Variants in HCN1 observed in about 807,000 individuals in gnomAD.
The protein encoded by HCN1 is hyperpolarization activated cyclic nucleotide gated potassium channel 1, also known as potassium/sodium hyperpolarization-activated cyclic nucleotide-gated channel 1.
HCN1 carries 13 observed loss-of-function variants against 78.9 expected under a neutral mutation model. The ratio of observed to expected loss-of-function variants is 0.16; its 90% CI spans 0.11 to 0.26. The LOEUF is 0.26. HCN1 is among the 10% of genes least tolerant of loss of function. The pLI, the probability that HCN1 is intolerant of heterozygous loss-of-function variation, is 1.00. For missense variants in HCN1, 810 were observed against 1,154.3 expected (o/e 0.70, Z 4.32); for synonymous variants, 552 against 455.5 (o/e 1.21, Z -2.70).
chr5:45,455,680 G>A (rs998506118), intron 3 of HCN1, among the ~76,000 whole-genome samples: 2 of 144,412 alleles, frequency 1.4e-5, no homozygotes, highest in African/African-American at 5.2e-5. Flanking sequence ...TGCAAATTTC[G>A]CCCCCTATGT....
At chr5:45,430,651 G>T (rs1740444126) in intron 3 of HCN1, among the ~76,000 whole-genome samples, 2 of 151,964 alleles carry the variant, frequency 1.3e-5, no homozygotes, top group Non-Finnish European at 2.9e-5. Flanking sequence ...GTATCCCATG[G>T]TGTTTATATA....
chr5:45,285,005 T>C (rs1745239997), intron 6 of HCN1, among the ~76,000 whole-genome samples: 1 of 152,054 alleles, frequency 6.6e-6, no homozygotes, highest in East Asian at 1.9e-4. Flanking sequence ...GAAATGCTAC[T>C]TTAAAATCAA....
intron 6 of HCN1, among the ~76,000 whole-genome samples, chr5:45,301,757 C>T (rs1191257834): frequency 6.7e-6 from 1 of 150,286 alleles, no homozygotes; most frequent in Non-Finnish European, 1.5e-5. Flanking sequence ...AAAGCATTTC[C>T]ATTATTTCCC....
chr5:45,363,817 C>T (rs992945977), intron 4 of HCN1, among the ~76,000 whole-genome samples: 1 of 151,990 alleles, frequency 6.6e-6, no homozygotes, highest in Admixed American at 6.6e-5. Context: ...TGCCTTTCTC[C>T]TCCTGCCATG....
intron 5 of HCN1, among the ~76,000 whole-genome samples, chr5:45,323,111 A>G (rs1291016137): frequency 6.6e-6 from 1 of 151,902 alleles, no homozygotes; most frequent in African/African-American, 2.4e-5. Context: ...ACAGGTGGAT[A>G]TACTTCTTCA....
At chr5:45,651,086 T>C (rs1356031126) in intron 1 of HCN1, among the ~76,000 whole-genome samples, 3 of 152,032 alleles carry the variant, frequency 2.0e-5, no homozygotes, top group African/African-American at 7.2e-5. Context: ...TTGAGCAGAA[T>C]TGAATAAAAA....
At chr5:45,414,385 C>T (rs1192253006) in intron 3 of HCN1, among the ~76,000 whole-genome samples, 2 of 152,042 alleles carry the variant, frequency 1.3e-5, no homozygotes, top group African/African-American at 2.4e-5. Context: ...AGAGGCCTCT[C>T]TCTTGACTTC....
At chr5:45,606,975 G>A (rs1207755800) in intron 2 of HCN1, among the ~76,000 whole-genome samples, 1 of 151,814 alleles carries the variant, frequency 6.6e-6, no homozygotes, top group African/African-American at 2.4e-5. Flanking sequence ...CTAAGCATCT[G>A]ATTTGAGATG....
intron 5 of HCN1, among the ~76,000 whole-genome samples, chr5:45,343,746 A>G (rs114647813): frequency 0.012 from 1,864 of 152,288 alleles, 31 homozygotes; most frequent in African/African-American, 0.043. Flanking sequence ...ACTACAGTTT[A>G]TAGAATTGAA....
chr5:45,683,414 T>C (rs1050043141), intron 1 of HCN1, among the ~76,000 whole-genome samples: 3 of 152,270 alleles, frequency 2.0e-5, no homozygotes, highest in African/African-American at 7.2e-5. Flanking sequence ...ATAATTTATC[T>C]GTTGGTTCAA....
chr5:45,406,665 T>A (rs994815020), intron 3 of HCN1, among the ~76,000 whole-genome samples: 5 of 152,126 alleles, frequency 3.3e-5, no homozygotes, highest in Admixed American at 6.6e-5. Flanking sequence ...TGAATAAAAT[T>A]CATGATAATT....
At chr5:45,325,981 T>C (rs1746226277) in intron 5 of HCN1, among the ~76,000 whole-genome samples, 3 of 151,556 alleles carry the variant, frequency 2.0e-5, no homozygotes, top group South Asian at 2.1e-4. Flanking sequence ...TGAAGTTACA[T>C]GTAAAAAAAA....
At chr5:45,654,785 T>C (rs753885357) in intron 1 of HCN1, among the ~76,000 whole-genome samples, 38 of 152,260 alleles carry the variant, frequency 2.5e-4, no homozygotes, top group Middle Eastern at 3.4e-3. Context: ...GAAAAGAAAA[T>C]AGTGATTGAA....
At position 45,267,073 on chromosome 5, in the gene HCN1, T is replaced by G. The variant is rs770876235; in HGVS notation, c.1783+16A>C. 70 of 1,600,252 alleles carry G rather than the reference T, an allele frequency of 4.4e-5. No individual in the cohort carries two copies. The highest frequency in any genetic ancestry group is 5.9e-5 in the Non-Finnish European group (69 of 1,168,968). On this transcript the variant is annotated intron_variant, in intron 7 of 7. Transcript: ENST00000303230. The stretch of plus-strand genomic sequence containing the variant: ...GAGATTAAATTTTATATAAAGAAGG[T>G]AGAAAACTAGAGTACCTATTCGATC...
chr5:45,623,108 A>AATAC (rs1357247629), intron 2 of HCN1, among the ~76,000 whole-genome samples: 1 of 152,170 alleles, frequency 6.6e-6, no homozygotes, highest in Non-Finnish European at 1.5e-5. Context: ...CTCCTTTCAT[A>AATAC]ATACACCACT....
At chr5:45,273,821 C>A (rs1053403860) in intron 6 of HCN1, among the ~76,000 whole-genome samples, 4 of 151,978 alleles carry the variant, frequency 2.6e-5, no homozygotes, top group Admixed American at 2.6e-4. Flanking sequence ...TCTTTGTAGA[C>A]TTTCTGTATT....
intron 3 of HCN1, among the ~76,000 whole-genome samples, chr5:45,426,497 C>G (rs946239763): frequency 6.6e-6 from 1 of 152,150 alleles, no homozygotes; most frequent in African/African-American, 2.4e-5. Context: ...GTGAATAAGT[C>G]TCATGAGATC....
At chr5:45,571,911 T>C (rs1340843984) in intron 2 of HCN1, among the ~76,000 whole-genome samples, 1 of 152,142 alleles carries the variant, frequency 6.6e-6, no homozygotes, top group Non-Finnish European at 1.5e-5. Flanking sequence ...TGAAATTCCA[T>C]CTCAAAAATA....
At chr5:45,391,071 C>T (rs1739549867) in intron 4 of HCN1, among the ~76,000 whole-genome samples, 1 of 147,784 alleles carries the variant, frequency 6.8e-6, no homozygotes, top group African/African-American at 2.7e-5. Context: ...AAAGTACATG[C>T]TGTAGCCTAA....
Sources: allele counts gnomAD v4.1 joint callset (sites outside exome capture counted in the v4.1 genomes callset), GRCh38; gene constraint gnomAD v4.1.1; transcripts MANE v1.5; gene names NCBI Gene and HGNC (gene_info 2026-07-23, HGNC 2026-07-21).